ZMYM2: variants seen among roughly 807,000 people sequenced by gnomAD.
The protein encoded by ZMYM2 is zinc finger MYM-type containing 2, also known as zinc finger MYM-type protein 2.
A neutral mutation model predicts 162.8 loss-of-function variants in ZMYM2; 56 were observed. The ratio of observed to expected loss-of-function variants is 0.34; its 90% confidence interval spans 0.28 to 0.43. ZMYM2 has a LOEUF of 0.43. Among genes scored for constraint, ZMYM2 ranks in the 20% least tolerant of loss-of-function variants. The pLI is 1.00. For synonymous variants in ZMYM2, 510 were observed against 541.6 expected, an observed-to-expected ratio of 0.94 and a Z score of 0.81; for missense variants, 1,275 against 1,621.8, an observed-to-expected ratio of 0.79 and a Z score of 3.67.
chr13:20,066,558 C>T (rs1291365690), intron 19 of ZMYM2: 4 of 251,484 alleles, frequency 1.6e-5, no homozygotes, highest in African/African-American at 4.4e-5. Flanking sequence ...AATATATTTA[C>T]GATTCATTAG....
intron 2 of ZMYM2, among the ~76,000 whole-genome samples, chr13:19,975,494 CAG>C (rs1447170511): frequency 3.3e-5 from 5 of 152,170 alleles, no homozygotes; most frequent in Non-Finnish European, 2.9e-5. Context: ...TAGTATGTAT[CAG>C]AGTTTTATTC....
At chr13:19,874,817 A>G in the ZMYM2 span, among the ~76,000 whole-genome samples, 1,675 of 152,344 alleles carry the variant, frequency 0.011, 14 homozygotes, top group Non-Finnish European at 0.016. Flanking sequence ...AAATAAACAT[A>G]TGAAAAAATA....
chr13:20,077,806 C>G (rs997841868), intron 21 of ZMYM2, among the ~76,000 whole-genome samples: 2 of 150,896 alleles, frequency 1.3e-5, no homozygotes, highest in Non-Finnish European at 2.9e-5. Flanking sequence ...TAGATTTCAT[C>G]TTTATCCAGG....
At chr13:19,979,279 T>C (rs1957083392) in intron 2 of ZMYM2, among the ~76,000 whole-genome samples, 1 of 152,208 alleles carries the variant, frequency 6.6e-6, no homozygotes, top group Non-Finnish European at 1.5e-5. Context: ...CTTGGATATG[T>C]ATATTTATCA....
chr13:19,899,184 T>C, the ZMYM2 span, among the ~76,000 whole-genome samples: 2 of 151,672 alleles, frequency 1.3e-5, no homozygotes, highest in African/African-American at 4.8e-5. Context: ...ACTTCTGACC[T>C]TGTGATCTGC....
At chr13:19,943,977 G>C in the ZMYM2 span, among the ~76,000 whole-genome samples, 1 of 152,234 alleles carries the variant, frequency 6.6e-6, no homozygotes, top group Non-Finnish European at 1.5e-5. Context: ...AAGGGAGATG[G>C]GGCTGCATTG....
rs763955611 is a variant in ZMYM2 at position 19,993,409 on chromosome 13, G to A, written c.337G>A (p.Val113Ile). ...SKELASQKGSVSETIVIDDEE... is the reference protein window; with the variant it reads ...SKELASQKGSISETIVIDDEE... ...AGAGTTGGCATCTCAGAAGGGAAGT[G>A]TAAGTGAGACAATTGTCATTGATGA... Residue 113 changes from valine (V) to isoleucine (I), a missense_variant, in exon 3 of 25, where the codon GTA becomes ATA. This residue lies in a region of ZMYM2 where 295 missense variants were observed against 286.7 expected (regional missense o/e 1.03). Coordinates refer to ENST00000610343, the MANE Select transcript of ZMYM2 (RefSeq NM_197968.4). 6 of 1,613,846 alleles carry A rather than the reference G, an allele frequency of 3.7e-6. No individual in the cohort carries two copies. The highest frequency in any genetic ancestry group is 2.5e-6 in the Non-Finnish European group (3 of 1,179,872).
chr13:20,052,499 G>A (rs1955453504), intron 14 of ZMYM2, among the ~76,000 whole-genome samples, 188 bp downstream of exon 14: 1 of 151,986 alleles, frequency 6.6e-6, no homozygotes, highest in Non-Finnish European at 1.5e-5. Flanking sequence ...GAATATAAAG[G>A]AGAATTAATT....
At chr13:19,964,228 T>G (rs1448264778) in intron 2 of ZMYM2, among the ~76,000 whole-genome samples, 1 of 152,034 alleles carries the variant, frequency 6.6e-6, no homozygotes, top group Non-Finnish European at 1.5e-5. Context: ...ATACAAAGAT[T>G]AGTCAGGCAT....
intron 9 of ZMYM2, among the ~76,000 whole-genome samples, chr13:20,029,487 C>T (rs1016064932): frequency 1.3e-5 from 2 of 151,602 alleles, no homozygotes; most frequent in Non-Finnish European, 2.9e-5. Flanking sequence ...TTTTTGGAAA[C>T]GCTAAGAGTA....
chr13:20,048,567 T>A (rs1955030473), intron 12 of ZMYM2, among the ~76,000 whole-genome samples: 1 of 151,890 alleles, frequency 6.6e-6, no homozygotes, highest in South Asian at 2.1e-4. Flanking sequence ...GAAAATTAGG[T>A]TTGTTTGGTG....
At chr13:19,875,360 C>T in the ZMYM2 span, among the ~76,000 whole-genome samples, 20 of 151,924 alleles carry the variant, frequency 1.3e-4, no homozygotes, top group African/African-American at 4.4e-4. Context: ...CTGGGCGCAG[C>T]GGCTCACACC....
the ZMYM2 span, among the ~76,000 whole-genome samples, chr13:19,891,242 T>C: frequency 6.6e-6 from 1 of 151,832 alleles, no homozygotes. Context: ...TTCCCTTTCT[T>C]TGCATGCACA....
chr13:19,921,283 A>G, the ZMYM2 span, among the ~76,000 whole-genome samples: 486 of 152,126 alleles, frequency 3.2e-3, 3 homozygotes, highest in African/African-American at 0.011. Context: ...GGGGTTACAG[A>G]CATGAGCCAC....
At chr13:19,947,786 G>A in the ZMYM2 span, among the ~76,000 whole-genome samples, 2 of 151,956 alleles carry the variant, frequency 1.3e-5, no homozygotes, top group African/African-American at 2.4e-5. Context: ...GAGCCACTGC[G>A]CCCGGCCGCT....
At chr13:20,057,760 G>A (rs1459847166) in intron 14 of ZMYM2, among the ~76,000 whole-genome samples, 1 of 152,144 alleles carries the variant, frequency 6.6e-6, no homozygotes, top group Non-Finnish European at 1.5e-5. Context: ...AAAACATTGC[G>A]ACCAGAGGCT....
chr13:19,985,708 G>GA (rs796242960), intron 2 of ZMYM2, among the ~76,000 whole-genome samples: 68 of 139,694 alleles, frequency 4.9e-4, no homozygotes, highest in South Asian at 6.9e-4. Flanking sequence ...TCTCAAAAAG[G>GA]AAAAAAAAAA....
At chr13:19,898,448 T>C in the ZMYM2 span, among the ~76,000 whole-genome samples, 21,203 of 151,960 alleles carry the variant, frequency 0.14, 1,793 homozygotes, top group African/African-American at 0.25. Context: ...TTAGCCAGGA[T>C]GGTCTCGATC....
chr13:20,030,377 G>C (rs549600312), intron 9 of ZMYM2, among the ~76,000 whole-genome samples: 12 of 140,836 alleles, frequency 8.5e-5, no homozygotes, highest in Middle Eastern at 4.7e-3. Context: ...GATTACAGGC[G>C]TGCGCCACCA....
Sources: gnomAD v4.1 joint callset for allele counts (sites outside exome capture counted in the v4.1 genomes callset) on GRCh38, gnomAD v4.1.1 for gene constraint, gnomAD v4.1.1 regional missense constraint, MANE v1.5 for transcripts, NCBI Gene and HGNC (gene_info 2026-07-23, HGNC 2026-07-21) for gene names.